Variants in AFG2A observed in about 807,000 individuals in gnomAD.
AFG2A encodes the protein AAA ATPase AFG2A.
the AFG2A span, among the ~76,000 whole-genome samples, chr4:122,948,061 G>C: frequency 1.3e-5 from 2 of 152,054 alleles, no homozygotes; most frequent in African/African-American, 4.8e-5. Flanking sequence ...TTATTGGCAA[G>C]GCTTCAGGTC....
the AFG2A span, among the ~76,000 whole-genome samples, chr4:123,147,773 C>T: frequency 1.5e-3 from 222 of 152,176 alleles, no homozygotes; most frequent in Middle Eastern, 0.014. Flanking sequence ...CATTAAGAAA[C>T]GAACTTTCTA....
At chr4:123,193,830 T>C in the AFG2A span, among the ~76,000 whole-genome samples, 47 of 152,324 alleles carry the variant, frequency 3.1e-4, no homozygotes, top group Middle Eastern at 3.4e-3. Context: ...TCATCACTTA[T>C]ATAAGACAAA....
At chr4:123,035,738 T>A in the AFG2A span, among the ~76,000 whole-genome samples, 3 of 152,118 alleles carry the variant, frequency 2.0e-5, no homozygotes, top group Non-Finnish European at 4.4e-5. Flanking sequence ...AAAAAAAGTC[T>A]TGATGTGAAA....
the AFG2A span, among the ~76,000 whole-genome samples, chr4:122,932,863 A>C: frequency 6.6e-6 from 1 of 152,202 alleles, no homozygotes; most frequent in African/African-American, 2.4e-5. Context: ...TTCTTGAAGA[A>C]ATAATTTGTA....
chr4:123,005,826 G>C, the AFG2A span, among the ~76,000 whole-genome samples: 1 of 151,926 alleles, frequency 6.6e-6, no homozygotes, highest in Admixed American at 6.6e-5. Context: ...TTCCCCTCCT[G>C]GCCTTTGTGC....
the AFG2A span, among the ~76,000 whole-genome samples, chr4:122,974,303 C>G: frequency 0.041 from 6,202 of 152,134 alleles, 408 homozygotes; most frequent in African/African-American, 0.14. Flanking sequence ...ACCATTTTCC[C>G]TGTTTCAGTT....
At chr4:122,992,867 C>G in the AFG2A span, among the ~76,000 whole-genome samples, 1 of 151,974 alleles carries the variant, frequency 6.6e-6, no homozygotes, top group Admixed American at 6.6e-5. Flanking sequence ...TCCTTACAAT[C>G]TAGGAATATG....
At chr4:123,112,411 G>A in the AFG2A span, among the ~76,000 whole-genome samples, 2 of 152,270 alleles carry the variant, frequency 1.3e-5, no homozygotes, top group East Asian at 3.9e-4. Flanking sequence ...TGAGTTACAT[G>A]TTAGAGTCTG....
chr4:123,101,095 A>C, the AFG2A span, among the ~76,000 whole-genome samples: 5 of 152,066 alleles, frequency 3.3e-5, no homozygotes, highest in Non-Finnish European at 7.4e-5. Context: ...TAGCAAAGGC[A>C]CTATATATCT....
At chr4:123,046,907 C>G in the AFG2A span, among the ~76,000 whole-genome samples, 3 of 152,248 alleles carry the variant, frequency 2.0e-5, no homozygotes, top group East Asian at 5.8e-4. Flanking sequence ...TTTTCTGTGC[C>G]TAGCTTATTG....
the AFG2A span, among the ~76,000 whole-genome samples, chr4:123,199,493 A>G: frequency 1.7e-4 from 14 of 83,056 alleles, no homozygotes; most frequent in East Asian, 4.1e-3. Flanking sequence ...TTTTTTTGAG[A>G]TGGAGCCTTG....
the AFG2A span, among the ~76,000 whole-genome samples, chr4:123,118,698 T>G: frequency 6.6e-6 from 1 of 152,060 alleles, no homozygotes; most frequent in Non-Finnish European, 1.5e-5. Context: ...ACATTTGTAA[T>G]TTTGTTAGAT....
chr4:123,058,791 A>G, the AFG2A span, among the ~76,000 whole-genome samples: 2 of 136,542 alleles, frequency 1.5e-5, no homozygotes, highest in African/African-American at 5.5e-5. Flanking sequence ...TTGGGTGGAG[A>G]CACAGCCAAA....
the AFG2A span, chr4:122,979,250 G>T: frequency 1.2e-6 from 2 of 1,614,108 alleles, no homozygotes; most frequent in South Asian, 2.2e-5. Context: ...GCCTTGCGGA[G>T]AATCCTGAAA....
At chr4:123,084,250 G>A in the AFG2A span, among the ~76,000 whole-genome samples, 1 of 151,734 alleles carries the variant, frequency 6.6e-6, no homozygotes, top group Non-Finnish European at 1.5e-5. Context: ...TCTCTGAAAG[G>A]ACCAACTTTT....
chr4:122,927,837 T>C, the AFG2A span: 1 of 1,557,622 alleles, frequency 6.4e-7, no homozygotes, highest in Non-Finnish European at 8.7e-7. Flanking sequence ...TCTGAAATGC[T>C]TTTGAGTGCC....
chr4:122,999,173 A>C, the AFG2A span, among the ~76,000 whole-genome samples: 1 of 134,782 alleles, frequency 7.4e-6, no homozygotes, highest in African/African-American at 2.7e-5. Context: ...TTTTCTTGTA[A>C]ATTTGTTTGA....
the AFG2A span, among the ~76,000 whole-genome samples, chr4:123,135,851 A>G: frequency 6.6e-6 from 1 of 152,194 alleles, no homozygotes; most frequent in Non-Finnish European, 1.5e-5. Flanking sequence ...AGAAAATCCT[A>G]AGGACTCCAC....
the AFG2A span, among the ~76,000 whole-genome samples, chr4:123,303,343 A>G: frequency 1.3e-5 from 2 of 152,240 alleles, no homozygotes; most frequent in African/African-American, 4.8e-5. Flanking sequence ...CAACATTGCA[A>G]GACCCCGTCT....
Sources: allele counts gnomAD v4.1 joint callset (sites outside exome capture counted in the v4.1 genomes callset), GRCh38; gene constraint gnomAD v4.1.1; transcripts MANE v1.5; gene names NCBI Gene and HGNC (gene_info 2026-07-23, HGNC 2026-07-21).